Variants in DMD observed in about 807,000 individuals in gnomAD.
The protein encoded by DMD is dystrophin.
A neutral mutation model predicts 330.1 loss-of-function variants in DMD; 63 were observed. The observed-to-expected ratio is 0.19, with a 90% CI of 0.16 to 0.24. The LOEUF (loss-of-function observed/expected upper bound fraction) is 0.24, where lower values mean the gene tolerates loss of function less well. Among genes scored for constraint, DMD ranks in the 10% least tolerant of loss-of-function variants. The pLI, the probability that DMD is intolerant of heterozygous loss-of-function variation, is 1.00. For missense variants in DMD, 3,344 were observed against 2,684.1 expected, an observed-to-expected ratio of 1.25 and a Z score of -5.43; for synonymous variants, 1,223 against 959.8, an observed-to-expected ratio of 1.27 and a Z score of -5.07.
chrX:32,725,418 A>G (rs1324667991), intron 7 of DMD, among the ~76,000 whole-genome samples: 1 of 111,335 alleles, frequency 9.0e-6, no homozygotes, highest in East Asian at 2.8e-4. Flanking sequence ...GCCTATAAAG[A>G]TACACATGGG....
chrX:32,974,831 A>G (rs764448706), intron 2 of DMD, among the ~76,000 whole-genome samples: 1 of 111,713 alleles, frequency 9.0e-6, no homozygotes, highest in East Asian at 2.8e-4. Context: ...ACTTCCTTTC[A>G]TCTTGGTCTC....
intron 44 of DMD, among the ~76,000 whole-genome samples, chrX:32,145,939 T>C (rs560135169): frequency 3.6e-5 from 4 of 112,283 alleles, no homozygotes; most frequent in African/African-American, 1.3e-4. Context: ...TACTAATTTT[T>C]TATTGGAAGC....
In DMD at chrX:32,454,676, C is replaced by G. The variant is rs1800262; in HGVS notation, c.3589G>C (p.Val1197Leu). 8.9e-7 allele frequency: 1 copy of G among 1,124,927 alleles called. No homozygotes were observed. Among genetic ancestry groups the G allele is most frequent in the South Asian group, 1.9e-5 (1 of 51,706 alleles). The allele number at this position is 1,124,927 out of a possible 1,213,427, so 92.7% of individuals were successfully genotyped here. A position where few individuals can be genotyped will look rare whatever the true frequency, so the allele number is the denominator to read the frequency against. The change falls in exon 26 of 79, where the codon GTT becomes CTT. Residue 1197 changes from valine (V) to leucine (L), a missense_variant. Physicochemically the swap from Val to Leu is conservative, Grantham distance 32. Coordinates refer to ENST00000357033, the MANE Select transcript of DMD (RefSeq NM_004006.3). ...YKTPDELQKA[V>L]EEMKRAKEEA... The stretch of plus-strand genomic sequence containing the variant: ...TTTTTTTTTACCTTCATCTCTTCAA[C>G]TGCTTTCTGTAATTCATCTGGAGTT...
intron 29 of DMD, among the ~76,000 whole-genome samples, chrX:32,416,103 G>A (rs1407147858): frequency 1.8e-5 from 2 of 111,711 alleles, no homozygotes; most frequent in African/African-American, 3.2e-5. Flanking sequence ...AACTCTGCAT[G>A]TGAAATAAAA....
chrX:32,339,016 A>G (rs1270800407), intron 41 of DMD, among the ~76,000 whole-genome samples: 1 of 112,530 alleles, frequency 8.9e-6, no homozygotes, highest in Non-Finnish European at 1.9e-5. Context: ...TTTAAAAATT[A>G]AAGATTATGT....
intron 44 of DMD, among the ~76,000 whole-genome samples, chrX:32,041,094 A>G (rs2095998095): frequency 8.9e-6 from 1 of 111,823 alleles, no homozygotes; most frequent in African/African-American, 3.2e-5. Flanking sequence ...GTCTTCAAGT[A>G]GAAAGGGGTC....
chrX:32,376,509 G>A (rs2097903464), intron 34 of DMD, among the ~76,000 whole-genome samples: 1 of 110,726 alleles, frequency 9.0e-6, no homozygotes, highest in South Asian at 3.8e-4. Flanking sequence ...CTGGAAAACT[G>A]CTTGCACATG....
At chrX:31,711,703 G>C (rs955747121) in intron 52 of DMD, among the ~76,000 whole-genome samples, 1 of 110,254 alleles carries the variant, frequency 9.1e-6, no homozygotes, top group Non-Finnish European at 1.9e-5. Flanking sequence ...AGTGACTTTA[G>C]TATTAGGAAG....
intron 60 of DMD, among the ~76,000 whole-genome samples, chrX:31,397,937 C>A (rs1265696220): frequency 8.9e-6 from 1 of 112,276 alleles, no homozygotes; most frequent in Non-Finnish European, 1.9e-5. Context: ...AATGCATGAA[C>A]AAAGTAACGG....
intron 2 of DMD, among the ~76,000 whole-genome samples, chrX:32,944,401 A>G (rs1326040532): frequency 9.0e-6 from 1 of 111,658 alleles, no homozygotes; most frequent in Non-Finnish European, 1.9e-5. Flanking sequence ...AAGCTTAATT[A>G]TGATTGAATA....
intron 42 of DMD, among the ~76,000 whole-genome samples, chrX:32,304,890 G>C (rs1051554788): frequency 9.0e-6 from 1 of 111,167 alleles, no homozygotes; most frequent in African/African-American, 3.3e-5. Context: ...TAAACTGTTA[G>C]AACTATTAAA....
chrX:32,730,064 G>A (rs2067371682), intron 7 of DMD, among the ~76,000 whole-genome samples: 1 of 112,051 alleles, frequency 8.9e-6, no homozygotes, highest in Non-Finnish European at 1.9e-5. Context: ...CAGGCACAAT[G>A]GTTCACATTC....
At chrX:32,027,131 G>T (rs1220342023) in intron 44 of DMD, among the ~76,000 whole-genome samples, 1 of 96,396 alleles carries the variant, frequency 1.0e-5, no homozygotes, top group African/African-American at 4.1e-5. Context: ...GAAAAGAAAG[G>T]TTGAGTATTA....
intron 47 of DMD, among the ~76,000 whole-genome samples, chrX:31,909,482 T>C (rs1476508285): frequency 1.1e-5 from 1 of 94,996 alleles, no homozygotes; most frequent in Non-Finnish European, 2.0e-5. Context: ...GTGAAGCTGC[T>C]AGGTCAACAC....
At chrX:31,132,354 G>A (rs1224554340) in intron 77 of DMD, among the ~76,000 whole-genome samples, 2 of 112,273 alleles carry the variant, frequency 1.8e-5, no homozygotes, top group East Asian at 5.6e-4. Flanking sequence ...GGGAGATGGT[G>A]CAAAGGATTT....
intron 48 of DMD, among the ~76,000 whole-genome samples, chrX:31,848,567 T>C (rs1372210395): frequency 7.2e-5 from 8 of 111,123 alleles, no homozygotes; most frequent in Non-Finnish European, 1.9e-5. Context: ...TCCCCTCCAA[T>C]GCAAGATTGT....
chrX:31,843,915 G>A (rs917110253), intron 48 of DMD, among the ~76,000 whole-genome samples: 32 of 92,922 alleles, frequency 3.4e-4, no homozygotes, highest in African/African-American at 1.5e-3. Context: ...GTGCAGTGGC[G>A]CAGTGCAATC....
intron 2 of DMD, among the ~76,000 whole-genome samples, chrX:33,014,225 ATGT>A (rs745507277): frequency 9.0e-6 from 1 of 111,535 alleles, no homozygotes; most frequent in Non-Finnish European, 1.9e-5. Flanking sequence ...GAGTTTCCAA[ATGT>A]TGTGCTGAGA....
intron 1 of DMD, among the ~76,000 whole-genome samples, chrX:33,032,272 T>G: frequency 8.9e-6 from 1 of 112,317 alleles, no homozygotes; most frequent in East Asian, 2.8e-4. Flanking sequence ...AGGTAGCCTC[T>G]GTTCCTAAAA....
Sources: allele counts gnomAD v4.1 joint callset (sites outside exome capture counted in the v4.1 genomes callset), GRCh38; gene constraint gnomAD v4.1.1; transcripts MANE v1.5; gene names NCBI Gene and HGNC (gene_info 2026-07-23, HGNC 2026-07-21).